Variants in GALNT10 observed in about 807,000 individuals in gnomAD.
GALNT10 encodes GalNAc transferase 10.
Under a neutral mutation model 75.0 loss-of-function variants are expected in GALNT10, and 41 were observed. That is an observed-to-expected ratio of 0.55 (90% CI 0.43 to 0.71). The LOEUF (loss-of-function observed/expected upper bound fraction) is 0.71. GALNT10 is among the 30% of genes least tolerant of loss of function. The pLI is 0.00. For missense variants in GALNT10, 727 were observed against 818.5 expected, an observed-to-expected ratio of 0.89 and a Z score of 1.36; for synonymous variants, 302 against 313.0, an observed-to-expected ratio of 0.96 and a Z score of 0.37.
chr5:154,317,058 C>T (rs979475654), intron 3 of GALNT10, among the ~76,000 whole-genome samples: 5 of 152,208 alleles, frequency 3.3e-5, no homozygotes, highest in Non-Finnish European at 7.3e-5. Context: ...GTGTTACCAT[C>T]CCTATTCCAT....
chr5:154,365,818 G>A (rs952214963), intron 4 of GALNT10, among the ~76,000 whole-genome samples: 5 of 151,788 alleles, frequency 3.3e-5, no homozygotes, highest in Non-Finnish European at 5.9e-5. Flanking sequence ...AATTTATTTT[G>A]TTAATGGAAC....
intron 3 of GALNT10, among the ~76,000 whole-genome samples, chr5:154,324,214 G>A (rs1383204409): frequency 6.6e-6 from 1 of 152,212 alleles, no homozygotes; most frequent in African/African-American, 2.4e-5. Context: ...ATAAGGCAGC[G>A]CTCTGTGCAG....
intron 1 of GALNT10, among the ~76,000 whole-genome samples, chr5:154,280,116 A>C (rs1389974076): frequency 6.6e-6 from 1 of 152,242 alleles, no homozygotes; most frequent in Non-Finnish European, 1.5e-5. Flanking sequence ...AGCAACATGG[A>C]TGAAACTGGA....
chr5:154,410,618 G>C (rs1756379333), intron 9 of GALNT10, among the ~76,000 whole-genome samples: 1 of 152,120 alleles, frequency 6.6e-6, no homozygotes, highest in South Asian at 2.1e-4. Flanking sequence ...GCTAACACGG[G>C]GCAGTAACGC....
At position 154,416,802 on chromosome 5, in the gene GALNT10, C is replaced by T; in HGVS notation, c.1654-12C>T. On this transcript the variant is annotated splice_polypyrimidine_tract_variant and intron_variant, in intron 11 of 11. Transcript: ENST00000297107. The surrounding 1 kb of genome is among the most constrained non-coding windows in gnomAD (Gnocchi z 4.5). The stretch of plus-strand genomic sequence containing the variant: ...CCAGTGCTGTCTGGCTTATTACCTC[C>T]ATGTTTTGTAGGACAAGACCCTGTA... 2 of 1,607,718 alleles carry T rather than the reference C, an allele frequency of 1.2e-6. No homozygotes were observed. Among genetic ancestry groups the T allele is most frequent in the East Asian group, 4.5e-5 (2 of 44,846 alleles).
intron 1 of GALNT10, among the ~76,000 whole-genome samples, chr5:154,253,002 GTTT>G (rs373849888): frequency 1.3e-4 from 12 of 89,854 alleles, no homozygotes; most frequent in Admixed American, 2.2e-4. Flanking sequence ...TTTTTTAGTG[GTTT>G]TTTTTTTTTT....
At chr5:154,275,403 G>T (rs530820055) in intron 1 of GALNT10, among the ~76,000 whole-genome samples, 2 of 152,298 alleles carry the variant, frequency 1.3e-5, no homozygotes, top group East Asian at 3.9e-4. Flanking sequence ...GACTTATCTT[G>T]TTGAATAGAC....
At chr5:154,264,570 G>A (rs1033211035) in intron 1 of GALNT10, among the ~76,000 whole-genome samples, 1 of 151,832 alleles carries the variant, frequency 6.6e-6, no homozygotes, top group Non-Finnish European at 1.5e-5. Flanking sequence ...ATTAACAATC[G>A]GTAAATCTTG....
In GALNT10 at chr5:154,402,057, C is replaced by T. The variant is rs1384701310; in HGVS notation, c.1057-2047C>T. On this transcript the variant is annotated intron_variant, in intron 7 of 11. Transcript: ENST00000297107. The surrounding 1 kb of genome is among the most constrained non-coding windows in gnomAD (Gnocchi z 4.2). The stretch of plus-strand genomic sequence containing the variant: ...CGACTGCAAGAGCCTCCCGGGCCTA[C>T]TCTCCCTGAGGCCTGCCCCATCAGG... Among the ~76,000 whole-genome samples, 2 of 152,212 alleles carry T rather than the reference C, an allele frequency of 1.3e-5. No individual in the cohort carries two copies. Among genetic ancestry groups the T allele is most frequent in the African/African-American group, 2.4e-5 (1 of 41,444 alleles).
chr5:154,263,887 G>C (rs1753738423), intron 1 of GALNT10, among the ~76,000 whole-genome samples: 1 of 152,116 alleles, frequency 6.6e-6, no homozygotes, highest in African/African-American at 2.4e-5. Flanking sequence ...TGGGTACAGA[G>C]TTTCTTTTTA....
chr5:154,298,198 A>G lies in GALNT10; in HGVS notation c.401+119A>G. The G allele has an allele frequency of 1.1e-6, 1 of 890,072 alleles. No homozygotes were observed. Among genetic ancestry groups the G allele is most frequent in the Non-Finnish European group, 1.8e-6 (1 of 560,684 alleles). The allele number at this position is 890,072 out of a possible 1,614,324, so 55.1% of individuals were successfully genotyped here. A position where few individuals can be genotyped will look rare whatever the true frequency, so the allele number is the denominator to read the frequency against. Reference sequence around the variant, plus strand: ...TGACGGAGACACCCTCCTCTTTCACAGGCATTTGTGCAAAGGTTCATGGTG... The same window carrying G: ...TGACGGAGACACCCTCCTCTTTCACGGGCATTTGTGCAAAGGTTCATGGTG... On this transcript the variant is annotated intron_variant, in intron 3 of 11. Coordinates refer to ENST00000297107, the MANE Select transcript of GALNT10 (RefSeq NM_198321.4). The surrounding 1 kb of genome is among the most constrained non-coding windows in gnomAD (Gnocchi z 4.1).
At chr5:154,225,459 T>C (rs971802750) in intron 1 of GALNT10, among the ~76,000 whole-genome samples, 1 of 151,596 alleles carries the variant, frequency 6.6e-6, no homozygotes, top group Non-Finnish European at 1.5e-5. Flanking sequence ...GGAATGATCA[T>C]GGCTCACTGC....
intron 4 of GALNT10, among the ~76,000 whole-genome samples, chr5:154,360,682 G>A (rs1161540499): frequency 2.0e-5 from 3 of 152,210 alleles, no homozygotes; most frequent in South Asian, 4.1e-4. Flanking sequence ...CTATGAGACA[G>A]GGGAGCCAAA....
chr5:154,221,402 C>T (rs1752976166), intron 1 of GALNT10, among the ~76,000 whole-genome samples: 1 of 152,158 alleles, frequency 6.6e-6, no homozygotes, highest in Non-Finnish European at 1.5e-5. Context: ...CTCCCTGCAC[C>T]GCTCCGGGGG....
chr5:154,305,900 C>A (rs1351556770), intron 3 of GALNT10, among the ~76,000 whole-genome samples: 1 of 152,086 alleles, frequency 6.6e-6, no homozygotes, highest in Non-Finnish European at 1.5e-5. Flanking sequence ...TGCCTGTAAT[C>A]CCAACTACTC....
In GALNT10 at chr5:154,242,805, C is replaced by T. The variant is rs147725731; in HGVS notation, c.159+51780C>T. 3.2e-3 allele frequency among the ~76,000 whole-genome samples: 487 copies of T among 152,306 alleles called. 3 individuals are homozygous for T. The highest frequency in any genetic ancestry group is 0.011 in the African/African-American group (465 of 41,568). ...GATATAACCCATGCATTTTAAAAAG[C>T]CCTTCCTTTTCATTGGTCTCCTTGG... On this transcript the variant is annotated intron_variant, in intron 1 of 11. Transcript: ENST00000297107.
At chr5:154,256,344 G>GA (rs757312130) in intron 1 of GALNT10, among the ~76,000 whole-genome samples, 1 of 27,976 alleles carries the variant, frequency 3.6e-5, no homozygotes, top group African/African-American at 6.9e-5. Context: ...AACAGAGGCT[G>GA]TTGTTTTTGT....
At chr5:154,378,805 C>T (rs1339765756) in intron 5 of GALNT10, among the ~76,000 whole-genome samples, 1 of 152,224 alleles carries the variant, frequency 6.6e-6, no homozygotes, top group Non-Finnish European at 1.5e-5. Context: ...GCTACCTTGA[C>T]CTCATGCCTC....
chr5:154,372,214 A>G (rs1042640272), intron 4 of GALNT10, among the ~76,000 whole-genome samples: 1 of 152,198 alleles, frequency 6.6e-6, no homozygotes, highest in Non-Finnish European at 1.5e-5. Context: ...CCTCATCAGC[A>G]AAATGAGGGT....
Sources: gnomAD v4.1 joint callset for allele counts (sites outside exome capture counted in the v4.1 genomes callset) on GRCh38, gnomAD v4.1.1 for gene constraint, Gnocchi (gnomAD v3.1) non-coding constraint, MANE v1.5 for transcripts, NCBI Gene and HGNC (gene_info 2026-07-23, HGNC 2026-07-21) for gene names.